The following XPO6 variants were observed in gnomAD, a reference collection of about 807,000 sequenced individuals.
The protein encoded by XPO6 is exportin-6.
Under a neutral mutation model 130.0 loss-of-function variants are expected in XPO6, and 3 were observed. That is an observed-to-expected ratio of 0.02 (90% CI 0.01 to 0.06). The LOEUF (loss-of-function observed/expected upper bound fraction) is 0.06. Ranked by LOEUF, XPO6 falls within the 10% of genes least tolerant of loss-of-function variation. The pLI, the probability that XPO6 is intolerant of heterozygous loss-of-function variation, is 1.00. For synonymous variants in XPO6, 524 were observed against 548.9 expected (o/e 0.95, Z 0.63); for missense variants, 970 against 1,393.0 (o/e 0.70, Z 4.83).
chr16:28,117,371 C>T lies in XPO6; in HGVS notation c.1951G>A (p.Val651Met), dbSNP rs1392401375. The T allele has an allele frequency of 1.2e-6, 2 of 1,614,160 alleles. No individual in the cohort carries two copies. The highest frequency in any genetic ancestry group is 1.7e-6 in the Non-Finnish European group (2 of 1,180,030). Reference protein sequence around the residue: ...EVHRQNTQQFVTLISTTMDAI... With the variant: ...EVHRQNTQQFMTLISTTMDAI... Reference sequence around the variant, plus strand: ...TCCATGGTAGTAGAGATGAGTGTCACGAACTGCTGCGTGTTCTGCCGGTGA... The same window carrying T: ...TCCATGGTAGTAGAGATGAGTGTCATGAACTGCTGCGTGTTCTGCCGGTGA... Residue 651 changes from valine to methionine, a missense_variant, in exon 15 of 24, where the codon GTG becomes ATG. Val to Met is a conservative substitution (Grantham distance 21). Coordinates refer to ENST00000304658, the MANE Select transcript of XPO6 (RefSeq NM_015171.4).
intron 17 of XPO6, 141 bp downstream of exon 17, chr16:28,111,676 G>T: frequency 2.4e-6 from 2 of 847,326 alleles, no homozygotes; most frequent in Non-Finnish European, 3.5e-6. Flanking sequence ...CCACCCCCAA[G>T]TATGACTTCC....
chr16:28,153,820 A>G (rs1346114602), intron 7 of XPO6: 1 of 985,276 alleles, frequency 1.0e-6, no homozygotes, highest in East Asian at 1.1e-4. Flanking sequence ...CAAAACAGAG[A>G]TATGTGAAAT....
At position 28,105,133 on chromosome 16, in the gene XPO6, C is replaced by T. The variant is rs547419229; in HGVS notation, c.2785-426G>A. The stretch of plus-strand genomic sequence containing the variant: ...TTTTCCCAGGATAAAAAATGCTGTC[C>T]CACTAACCTGTTGGTCTTACACAAC... On this transcript the variant is annotated intron_variant, in intron 20 of 23. Coordinates refer to ENST00000304658, the MANE Select transcript of XPO6 (RefSeq NM_015171.4). Among the ~76,000 whole-genome samples, 9 of 152,280 alleles carry T rather than the reference C, an allele frequency of 5.9e-5. No homozygotes were observed. In the South Asian group the frequency reaches 1.9e-3, roughly 32 times the overall value.
At chr16:28,109,184 A>AT (rs147768500) in intron 17 of XPO6, among the ~76,000 whole-genome samples, 8,820 of 152,266 alleles carry the variant, frequency 0.058, 637 homozygotes, top group East Asian at 0.17. Context: ...ATTTAAAAAA[A>AT]ATACAAGTCA....
chr16:28,172,231 TTTTGATTAAAATAGTGTCTCCC>T (rs1257062829), intron 4 of XPO6, among the ~76,000 whole-genome samples: 1 of 152,260 alleles, frequency 6.6e-6, no homozygotes, highest in Non-Finnish European at 1.5e-5. Flanking sequence ...CCCAGGAAGC[TTTTGATTAAAATAGTGTCTCCC>T]TTTACCATCT....
intron 1 of XPO6, among the ~76,000 whole-genome samples, chr16:28,189,083 C>T (rs546301730): frequency 1.3e-5 from 2 of 151,994 alleles, no homozygotes; most frequent in African/African-American, 2.4e-5. Flanking sequence ...GTAGCTGGGA[C>T]CACAGCTGCA....
At position 28,101,723 on chromosome 16, in the gene XPO6, C is replaced by A. The variant is rs753156732; in HGVS notation, c.3046-35G>T. On this transcript the variant is annotated intron_variant, in intron 22 of 23. Transcript: ENST00000304658. The surrounding 1 kb of genome is among the most constrained non-coding windows in gnomAD (Gnocchi z 5.4). Reference sequence around the variant, plus strand: ...GAGAGACCAGGTGAGCAGCAGCCAGCCCCCAGGGGCCTGTCCCGGGTCCCA... The same window carrying A: ...GAGAGACCAGGTGAGCAGCAGCCAGACCCCAGGGGCCTGTCCCGGGTCCCA... 4 of 1,589,200 alleles carry A rather than the reference C, an allele frequency of 2.5e-6. No individual in the cohort carries two copies. Among genetic ancestry groups the A allele is most frequent in the Non-Finnish European group, 3.4e-6 (4 of 1,163,946 alleles).
chr16:28,160,042 G>A (rs532018851), intron 6 of XPO6, among the ~76,000 whole-genome samples: 31 of 151,490 alleles, frequency 2.0e-4, no homozygotes, highest in Non-Finnish European at 4.1e-4. Context: ...AAAATTAGCT[G>A]GGCGTGGTGG....
intron 6 of XPO6, among the ~76,000 whole-genome samples, chr16:28,163,611 C>A (rs2043311667): frequency 6.6e-6 from 1 of 152,158 alleles, no homozygotes; most frequent in Non-Finnish European, 1.5e-5. Context: ...GGGGCAATGT[C>A]CACATCTTCC....
intron 1 of XPO6, among the ~76,000 whole-genome samples, chr16:28,189,515 A>C (rs1357014908): frequency 7.2e-5 from 11 of 152,098 alleles, no homozygotes; most frequent in Admixed American, 7.2e-4. Flanking sequence ...CGTAAGGCCA[A>C]GCAGAGGGAA....
At chr16:28,207,891 T>C (rs2044058862) in intron 1 of XPO6, among the ~76,000 whole-genome samples, 1 of 152,184 alleles carries the variant, frequency 6.6e-6, no homozygotes, top group African/African-American at 2.4e-5. Flanking sequence ...ACGCCTATAA[T>C]ACCAGAACTT....
At chr16:28,134,164 C>T (rs981008963) in intron 10 of XPO6, among the ~76,000 whole-genome samples, 7 of 152,182 alleles carry the variant, frequency 4.6e-5, no homozygotes, top group African/African-American at 1.7e-4. Context: ...TATTTTCCCC[C>T]CTTTGGGTTA....
intron 4 of XPO6, among the ~76,000 whole-genome samples, chr16:28,171,553 C>T (rs968395464): frequency 6.6e-6 from 1 of 151,874 alleles, no homozygotes; most frequent in Non-Finnish European, 1.5e-5. Context: ...AAGCTCACCC[C>T]TAAAGAACAG....
chr16:28,131,983 A>G (rs1197980788), intron 12 of XPO6, among the ~76,000 whole-genome samples: 1 of 152,228 alleles, frequency 6.6e-6, no homozygotes, highest in African/African-American at 2.4e-5. Flanking sequence ...TTCTAAAGTG[A>G]GCAGGAAGCA....
chr16:28,190,960 G>T (rs2043777968), intron 1 of XPO6, among the ~76,000 whole-genome samples: 2 of 152,154 alleles, frequency 1.3e-5, no homozygotes, highest in Admixed American at 1.3e-4. Flanking sequence ...GGGTATGAGA[G>T]ATCTTTGTAT....
intron 1 of XPO6, among the ~76,000 whole-genome samples, chr16:28,184,537 G>A (rs1021685357): frequency 1.3e-5 from 2 of 150,564 alleles, no homozygotes; most frequent in Non-Finnish European, 2.9e-5. Flanking sequence ...CAAAATAGGA[G>A]CTATCTGCAA....
chr16:28,196,802 T>A (rs1483000250), intron 1 of XPO6, among the ~76,000 whole-genome samples: 1 of 152,186 alleles, frequency 6.6e-6, no homozygotes. Context: ...CTCACTCTCA[T>A]CCTTCCTCTC....
intron 20 of XPO6, 90 bp from the exon 21 acceptor site, chr16:28,104,797 G>C: frequency 2.8e-6 from 4 of 1,444,448 alleles, no homozygotes; most frequent in Non-Finnish European, 3.8e-6. Context: ...GAGACGCCTC[G>C]TGACAGCAAG....
At chr16:28,113,936 AAAC>A (rs1394267046) in intron 15 of XPO6, among the ~76,000 whole-genome samples, 2 of 152,194 alleles carry the variant, frequency 1.3e-5, no homozygotes, top group African/African-American at 4.8e-5. Flanking sequence ...ATTGTTATTA[AAAC>A]AATACACTGT....
Sources: allele counts gnomAD v4.1 joint callset (sites outside exome capture counted in the v4.1 genomes callset), GRCh38; gene constraint gnomAD v4.1.1; non-coding constraint Gnocchi (gnomAD v3.1); transcripts MANE v1.5; gene names NCBI Gene and HGNC (gene_info 2026-07-23, HGNC 2026-07-21).